PLA2G5: variants seen among roughly 807,000 people sequenced by gnomAD.
PLA2G5 encodes Ca2+-dependent phospholipase A2.
PLA2G5 carries 12 observed loss-of-function variants against 15.9 expected under a neutral mutation model. The ratio of observed to expected loss-of-function variants is 0.76; its 90% CI spans 0.48 to 1.23. The LOEUF is 1.23. Ranked by LOEUF, PLA2G5 falls within the 50% of genes most tolerant of loss-of-function variation. PLA2G5 has a pLI of 0.00. For synonymous variants in PLA2G5, 71 were observed against 71.4 expected (o/e 0.99, Z 0.03); for missense variants, 169 against 177.1 (o/e 0.95, Z 0.26).
At chr1:20,071,328 G>A (rs900488152) in intron 1 of PLA2G5, among the ~76,000 whole-genome samples, 15 of 152,220 alleles carry the variant, frequency 9.9e-5, no homozygotes, top group Non-Finnish European at 2.1e-4. Context: ...GCCATGCAGA[G>A]TGCTAGGTGC....
At chr1:20,050,369 G>A (rs188965674) in intron 1 of PLA2G5, among the ~76,000 whole-genome samples, 20 of 152,164 alleles carry the variant, frequency 1.3e-4, no homozygotes, top group Admixed American at 7.9e-4. Flanking sequence ...ACTCCTCAAG[G>A]CCCAGAGACT....
In PLA2G5 at chr1:20,086,153, C is replaced by G; in HGVS notation, c.111C>G (p.Ala37=). Residue 37 remains alanine (A), a synonymous_variant, in exon 3 of 5, where the codon GCC becomes GCG. Coordinates refer to ENST00000375108, the MANE Select transcript of PLA2G5 (RefSeq NM_000929.3). ...TCGAGAAGGTGACAGGGAAGAACGCCCTGACAAACTACGGCTTCTACGGCT... is the reference window on the plus strand; with the variant it reads ...TCGAGAAGGTGACAGGGAAGAACGCGCTGACAAACTACGGCTTCTACGGCT... ...SMIEKVTGKN[A]LTNYGFYGCY... 1.2e-6 allele frequency: 2 copies of G among 1,614,050 alleles called. No individual in the cohort carries two copies. The highest frequency in any genetic ancestry group is 1.7e-6 in the Non-Finnish European group (2 of 1,180,008).
At chr1:20,044,820 AG>A (rs979585952) in intron 1 of PLA2G5, among the ~76,000 whole-genome samples, 2 of 151,702 alleles carry the variant, frequency 1.3e-5, no homozygotes, top group Non-Finnish European at 1.5e-5. Flanking sequence ...GGAGCAGTCT[AG>A]GGAGGAGGGG....
At chr1:20,054,956 C>T (rs1040934139) in intron 1 of PLA2G5, 4 of 152,166 alleles carry the variant, frequency 2.6e-5, no homozygotes, top group African/African-American at 9.7e-5. Flanking sequence ...CCCTCCCCAA[C>T]AGAATGTTTT....
chr1:20,080,857 G>A (rs571024263), intron 1 of PLA2G5, among the ~76,000 whole-genome samples: 61 of 151,864 alleles, frequency 4.0e-4, no homozygotes, highest in Non-Finnish European at 7.8e-4. Flanking sequence ...AGAGAGCAGG[G>A]CCGAGAGAGG....
chr1:20,082,993 C>T (rs1028121426), intron 1 of PLA2G5, among the ~76,000 whole-genome samples: 2 of 151,954 alleles, frequency 1.3e-5, no homozygotes, highest in East Asian at 1.9e-4. Flanking sequence ...GGACAGACAC[C>T]GGGCCTGCCA....
intron 1 of PLA2G5, among the ~76,000 whole-genome samples, chr1:20,029,463 C>T (rs2100247395): frequency 6.6e-6 from 1 of 152,254 alleles, no homozygotes; most frequent in South Asian, 2.1e-4. Flanking sequence ...TGATCTGCTC[C>T]TCTTGACGTG....
At chr1:20,050,112 C>G (rs139822715) in intron 1 of PLA2G5, among the ~76,000 whole-genome samples, 15 of 152,156 alleles carry the variant, frequency 9.9e-5, no homozygotes, top group African/African-American at 3.6e-4. Context: ...TTTTGGTTTG[C>G]TTAGGAAAAG....
chr1:20,047,237 C>A (rs1318223562), intron 1 of PLA2G5, among the ~76,000 whole-genome samples: 1 of 152,038 alleles, frequency 6.6e-6, no homozygotes, highest in African/African-American at 2.4e-5. Context: ...GAAACTGAGA[C>A]ATGTAAGAGG....
intron 1 of PLA2G5, among the ~76,000 whole-genome samples, chr1:20,037,959 C>T (rs146339746): frequency 3.3e-5 from 5 of 152,150 alleles, no homozygotes; most frequent in African/African-American, 1.2e-4. Context: ...GGTTCTCAGG[C>T]CAATGACATT....
At chr1:20,056,192 C>T (rs946366591) in intron 1 of PLA2G5, among the ~76,000 whole-genome samples, 11 of 152,120 alleles carry the variant, frequency 7.2e-5, no homozygotes, top group African/African-American at 2.7e-4. Context: ...ACCCAAAATA[C>T]ACATCCTCTT....
intron 1 of PLA2G5, among the ~76,000 whole-genome samples, chr1:20,071,457 G>A (rs986464195): frequency 2.6e-5 from 4 of 152,154 alleles, no homozygotes; most frequent in Admixed American, 2.6e-4. Context: ...AGATGTCAAA[G>A]TATTAATAAA....
rs532492228 is a variant in PLA2G5 at position 20,061,072 on chromosome 1, A to G, written n.337+1380A>G. Reference sequence around the variant, plus strand: ...TGGACTGGATGGCCCTTCATGGACCAGGCAGCCTGGTGATTCCGGACCTCC... The same window carrying G: ...TGGACTGGATGGCCCTTCATGGACCGGGCAGCCTGGTGATTCCGGACCTCC... On this transcript the variant is annotated intron_variant and non_coding_transcript_variant, in intron 2 of 6. Transcript: ENST00000460175. 3.9e-5 allele frequency among the ~76,000 whole-genome samples: 6 copies of G among 152,326 alleles called. No homozygotes were observed. The East Asian group carries it at 7.7e-4, about 20-fold the overall frequency.
At chr1:20,039,147 G>C (rs1248787693) in intron 1 of PLA2G5, among the ~76,000 whole-genome samples, 1 of 152,214 alleles carries the variant, frequency 6.6e-6, no homozygotes, top group East Asian at 1.9e-4. Context: ...CTGTGACTGA[G>C]GCATTCCCCA....
intron 1 of PLA2G5, among the ~76,000 whole-genome samples, chr1:20,053,228 C>A (rs937634205): frequency 6.6e-6 from 1 of 152,122 alleles, no homozygotes; most frequent in African/African-American, 2.4e-5. Context: ...ATTTATAACT[C>A]TTTTATCTGA....
chr1:20,060,410 C>T (rs1032541659), intron 2 of PLA2G5, among the ~76,000 whole-genome samples: 34 of 151,506 alleles, frequency 2.2e-4, no homozygotes, highest in African/African-American at 6.3e-4. Flanking sequence ...TGCGCCACCA[C>T]GCTAGGCTAT....
chr1:20,036,893 G>A lies in PLA2G5; in HGVS notation n.276+8184G>A, dbSNP rs186455035. Among the ~76,000 whole-genome samples, 147 of 152,154 alleles carry A rather than the reference G, an allele frequency of 9.7e-4. No homozygotes were observed. In the South Asian group the frequency reaches 0.014, roughly 14 times the overall value. On this transcript the variant is annotated intron_variant and non_coding_transcript_variant, in intron 1 of 6. Coordinates refer to the PLA2G5 transcript ENST00000460175. ...TTGGTCACGCTGGTCTCGAACTCCC[G>A]ACCTCAGCTGACCTGCCCACCTCAG...
At chr1:20,088,047 C>G (rs2100637008) in intron 3 of PLA2G5, among the ~76,000 whole-genome samples, 1 of 152,288 alleles carries the variant, frequency 6.6e-6, no homozygotes, top group South Asian at 2.1e-4. Flanking sequence ...CTGCCACACC[C>G]AAGAGGAGCC....
chr1:20,069,900 T>C (rs554354829), upstream of PLA2G5, among the ~76,000 whole-genome samples: 1 of 151,846 alleles, frequency 6.6e-6, no homozygotes, highest in South Asian at 2.1e-4. Context: ...AGATACAGTA[T>C]TGTGTTCATG....
Sources: gnomAD v4.1 joint callset for allele counts (sites outside exome capture counted in the v4.1 genomes callset) on GRCh38, gnomAD v4.1.1 for gene constraint, MANE v1.5 for transcripts, NCBI Gene and HGNC (gene_info 2026-07-23, HGNC 2026-07-21) for gene names.